Variants in LDAH observed in about 807,000 individuals in gnomAD.
The protein encoded by LDAH is lipid droplet associated hydrolase.
LDAH carries 26 observed loss-of-function variants against 29.6 expected under a neutral mutation model. The observed-to-expected ratio is 0.88, with a 90% CI of 0.64 to 1.22. The LOEUF (loss-of-function observed/expected upper bound fraction) is 1.22, where lower values mean the gene tolerates loss of function less well. LDAH is among the 50% of genes most tolerant of loss of function. The pLI is 0.00. For synonymous variants in LDAH, 117 were observed against 133.0 expected (o/e 0.88, Z 0.83); for missense variants, 344 against 387.3 (o/e 0.89, Z 0.94).
chr2:20,745,014 T>A (rs145726926), intron 4 of LDAH, among the ~76,000 whole-genome samples: 1 of 152,184 alleles, frequency 6.6e-6, no homozygotes, highest in Non-Finnish European at 1.5e-5. Context: ...CCGATAAGAA[T>A]TGATTTCTCA....
chr2:20,803,959 T>G (rs1180855439), intron 1 of LDAH, among the ~76,000 whole-genome samples: 1 of 152,218 alleles, frequency 6.6e-6, no homozygotes, highest in African/African-American at 2.4e-5. Flanking sequence ...TGCAAATTTT[T>G]CTTTATAAAT....
At chr2:20,790,215 C>T in intron 3 of LDAH, 40 bp downstream of exon 3, 1 of 1,607,192 alleles carries the variant, frequency 6.2e-7, no homozygotes, top group Non-Finnish European at 8.5e-7. Context: ...CATGACCCTG[C>T]ACTCACTCTA....
At chr2:20,789,502 C>A (rs1401913720) in intron 3 of LDAH, among the ~76,000 whole-genome samples, 1 of 152,182 alleles carries the variant, frequency 6.6e-6, no homozygotes, top group African/African-American at 2.4e-5. Context: ...AAGACACATG[C>A]CTACTCCACA....
chr2:20,691,537 G>A (rs767653121), intron 6 of LDAH, among the ~76,000 whole-genome samples: 31 of 152,182 alleles, frequency 2.0e-4, no homozygotes, highest in South Asian at 4.1e-4. Context: ...GAGGCACTGT[G>A]TGTCATGGGG....
intron 5 of LDAH, among the ~76,000 whole-genome samples, chr2:20,735,619 CAAGTT>C (rs1666720100): frequency 6.6e-6 from 1 of 151,436 alleles, no homozygotes; most frequent in African/African-American, 2.4e-5. Flanking sequence ...TTTTTCCAGT[CAAGTT>C]GAGATTTTGT....
At chr2:20,693,569 C>T (rs1172817735) in intron 6 of LDAH, among the ~76,000 whole-genome samples, 1 of 152,146 alleles carries the variant, frequency 6.6e-6, no homozygotes, top group African/African-American at 2.4e-5. Flanking sequence ...CAAGCCGCCA[C>T]TAACAGTCAG....
chr2:20,736,549 T>C (rs1316243016), intron 5 of LDAH, among the ~76,000 whole-genome samples: 1 of 152,120 alleles, frequency 6.6e-6, no homozygotes, highest in Admixed American at 6.5e-5. Context: ...AAGATGTGTC[T>C]TGGGCAAAAG....
In LDAH at chr2:20,746,764, C is replaced by T. The variant is rs185987669; in HGVS notation, c.469-6559G>A. On this transcript the variant is annotated intron_variant, in intron 4 of 6. Transcript: ENST00000237822. The stretch of plus-strand genomic sequence containing the variant: ...GTGAAGGTTTCCAAATCTGTGTACA[C>T]GACCAAACATTTTCTTATGTTACTA... Among the ~76,000 whole-genome samples the T allele has an allele frequency of 2.1e-3, 322 of 151,944 alleles. 1 individual carries two copies. Among genetic ancestry groups the T allele is most frequent in the African/African-American group, 7.4e-3 (308 of 41,466 alleles).
At chr2:20,736,786 T>G (rs551147163) in intron 5 of LDAH, among the ~76,000 whole-genome samples, 3 of 152,282 alleles carry the variant, frequency 2.0e-5, no homozygotes, top group South Asian at 4.1e-4. Context: ...TTGTGTGCAG[T>G]GCTTTTCTTG....
chr2:20,774,754 G>A lies in LDAH; in HGVS notation c.468+56C>T, dbSNP rs1188349896. 1.4e-5 allele frequency: 22 copies of A among 1,531,784 alleles called. No homozygotes were observed. In the East Asian group the frequency reaches 4.3e-4, roughly 30 times the overall value. The allele number at this position is 1,531,784 out of a possible 1,614,324, so 94.9% of individuals were successfully genotyped here. A position where few individuals can be genotyped will look rare whatever the true frequency, so the allele number is the denominator to read the frequency against. Reference sequence around the variant, plus strand: ...CAAAAGAACATAGGAAAGGTGAGGAGGATTTGTGCAGGCACACAGTCCAGC... The same window carrying A: ...CAAAAGAACATAGGAAAGGTGAGGAAGATTTGTGCAGGCACACAGTCCAGC... On this transcript the variant is annotated intron_variant, in intron 4 of 6. Transcript: ENST00000237822.
At chr2:20,782,297 C>T (rs1211827460) in intron 3 of LDAH, among the ~76,000 whole-genome samples, 1 of 152,176 alleles carries the variant, frequency 6.6e-6, no homozygotes, top group Non-Finnish European at 1.5e-5. Context: ...AAGGGTGATC[C>T]TCTGAGTCTG....
chr2:20,821,246 C>T (rs895618643), intron 1 of LDAH, among the ~76,000 whole-genome samples: 31 of 152,268 alleles, frequency 2.0e-4, no homozygotes, highest in African/African-American at 7.2e-4. Flanking sequence ...TACCATTTGA[C>T]CCAGCCATCC....
intron 6 of LDAH, 32 bp downstream of exon 6, chr2:20,701,538 T>C (rs372409755): frequency 1.3e-6 from 2 of 1,573,832 alleles, no homozygotes; most frequent in African/African-American, 2.7e-5. Context: ...ATCTACTTAT[T>C]ATCTATCCCC....
At chr2:20,699,842 TAC>T (rs748064589) in intron 6 of LDAH, among the ~76,000 whole-genome samples, 1 of 152,238 alleles carries the variant, frequency 6.6e-6, no homozygotes, top group Non-Finnish European at 1.5e-5. Flanking sequence ...TGGGAATGAT[TAC>T]ACTTGCATAT....
intron 1 of LDAH, among the ~76,000 whole-genome samples, chr2:20,819,770 T>C (rs1042090855): frequency 6.6e-6 from 1 of 152,084 alleles, no homozygotes; most frequent in African/African-American, 2.4e-5. Context: ...CCAGGGCAAT[T>C]AGGCAGCAGA....
At chr2:20,736,170 G>A (rs192068026) in intron 5 of LDAH, among the ~76,000 whole-genome samples, 44 of 152,212 alleles carry the variant, frequency 2.9e-4, no homozygotes, top group African/African-American at 8.9e-4. Flanking sequence ...GGCCAGGTGC[G>A]GTGGCTCACG....
intron 1 of LDAH, among the ~76,000 whole-genome samples, chr2:20,806,211 T>C (rs1672058044): frequency 6.6e-6 from 1 of 152,138 alleles, no homozygotes; most frequent in African/African-American, 2.4e-5. Context: ...ACCAACAATA[T>C]CCAGTCATAA....
chr2:20,821,393 T>G (rs1426578985), intron 1 of LDAH, among the ~76,000 whole-genome samples: 2 of 152,140 alleles, frequency 1.3e-5, no homozygotes, highest in African/African-American at 4.8e-5. Context: ...TAGACTGGAT[T>G]AAGAAAATGT....
intron 6 of LDAH, 78 bp downstream of exon 6, chr2:20,701,492 A>G (rs571252793): frequency 8.7e-7 from 1 of 1,148,624 alleles, no homozygotes; most frequent in Non-Finnish European, 1.3e-6. Context: ...TACAGATTCT[A>G]ACTAGTTCTA....
Sources: gnomAD v4.1 joint callset for allele counts (sites outside exome capture counted in the v4.1 genomes callset) on GRCh38, gnomAD v4.1.1 for gene constraint, MANE v1.5 for transcripts, NCBI Gene and HGNC (gene_info 2026-07-23, HGNC 2026-07-21) for gene names.